The following ESCO2 variants were observed in gnomAD, a reference collection of about 807,000 sequenced individuals.
ESCO2 encodes the protein N-acetyltransferase ESCO2.
A neutral mutation model predicts 61.7 loss-of-function variants in ESCO2; 51 were observed. The observed-to-expected ratio is 0.83, with a 90% CI of 0.66 to 1.04. The LOEUF (loss-of-function observed/expected upper bound fraction) is 1.04, where lower values mean the gene tolerates loss of function less well. ESCO2 is among the 50% of genes least tolerant of loss of function. The pLI is 0.00. For missense variants in ESCO2, 692 were observed against 686.2 expected (o/e 1.01, Z -0.09); for synonymous variants, 230 against 238.2 (o/e 0.97, Z 0.32).
At position 27,776,425 on chromosome 8, in the gene ESCO2, C is replaced by T. The variant is rs1156912240; in HGVS notation, c.117C>T (p.Asn39=). The stretch of plus-strand genomic sequence containing the variant: ...ATAAAAAGCACTGTTTTTATCAAAA[C>T]AGTGATAAAAATGAAGAAAACCTGC... ...SPNKKHCFYQ[N]SDKNEENLHC... Residue 39 remains asparagine, a synonymous_variant, in exon 3 of 11, where the codon AAC becomes AAT. Coordinates refer to ENST00000305188, the MANE Select transcript of ESCO2 (RefSeq NM_001017420.3). The T allele has an allele frequency of 6.2e-7, 1 of 1,607,336 alleles. No homozygotes were observed. The highest frequency in any genetic ancestry group is 8.5e-7 in the Non-Finnish European group (1 of 1,178,058).
chr8:27,813,961 G>A (rs1805759108), downstream of ESCO2, among the ~76,000 whole-genome samples: 1 of 152,074 alleles, frequency 6.6e-6, no homozygotes, highest in Admixed American at 6.5e-5. Context: ...ACATGTTTAT[G>A]TGTTAATGTG....
chr8:27,809,209 T>C (rs905960107), downstream of ESCO2, among the ~76,000 whole-genome samples: 42 of 152,290 alleles, frequency 2.8e-4, no homozygotes, highest in African/African-American at 9.6e-4. Flanking sequence ...AAATTATACA[T>C]ACGTTTTTCT....
downstream of ESCO2, among the ~76,000 whole-genome samples, chr8:27,815,895 A>C (rs570223005): frequency 6.6e-6 from 1 of 152,242 alleles, no homozygotes; most frequent in Admixed American, 6.5e-5. Context: ...TTGTTCTGAC[A>C]ACAAAAGTTT....
chr8:27,803,580 A>ACACACAC lies in ESCO2; in HGVS notation c.*142_*143insCACACAC. 2.1e-6 allele frequency: 3 copies of ACACACAC among 1,439,082 alleles called. No individual in the cohort carries two copies. Among genetic ancestry groups the ACACACAC allele is most frequent in the South Asian group, 3.1e-5 (2 of 65,526 alleles). 89.1% of individuals were successfully genotyped at this position (1,439,082 alleles called of 1,614,324 possible). On this transcript the variant is annotated 3_prime_UTR_variant, in exon 11 of 11. Transcript: ENST00000305188. Reference sequence around the variant, plus strand: ...CACACACACACACGCACACACACATATCACAGTTTTGTTCCTTATGAGTTG... The same window carrying ACACACAC: ...CACACACACACACGCACACACACATACACACACTCACAGTTTTGTTCCTTATGAGTTG...
rs1805207295 is a variant in ESCO2, at chr8:27,792,788, T to C, written c.1474T>C (p.Leu492=). The change falls in exon 9 of 11, where the codon TTA becomes CTA. Residue 492 remains leucine (L), a synonymous_variant. Transcript: ENST00000305188. ...TGATGAAAAGAGAGTAGTTGGGTGT[T>C]TAATTGCAGAACCCATCAAACAGGT... ...ISDEKRVVGC[L]IAEPIKQAFR... is the part of the protein sequence containing the mutation. The C allele has an allele frequency of 6.2e-7, 1 of 1,606,372 alleles. No homozygotes were observed. Among genetic ancestry groups the C allele is most frequent in the East Asian group, 2.2e-5 (1 of 44,680 alleles).
chr8:27,780,368 G>GT (rs745605422), intron 4 of ESCO2, 101 bp downstream of exon 4: 4 of 792,418 alleles, frequency 5.0e-6, no homozygotes, highest in Non-Finnish European at 8.6e-6. Context: ...TCTTTTTTCA[G>GT]TAGCGTGCCT....
chr8:27,808,402 C>T (rs1017550233), downstream of ESCO2: 2 of 217,156 alleles, frequency 9.2e-6, no homozygotes, highest in Admixed American at 1.2e-4. Flanking sequence ...AAAGGTAGTC[C>T]TGGGCACGGT....
chr8:27,789,040 T>C, intron 7 of ESCO2, 62 bp downstream of exon 7: 1 of 1,603,930 alleles, frequency 6.2e-7, no homozygotes, highest in Non-Finnish European at 8.5e-7. Context: ...ACATTTCTTT[T>C]CCACCACCTC....
rs114321936 is a variant in ESCO2, at chr8:27,787,356, A to G, written c.1014-529A>G. ...TTTTTTTTTTCCTTAAGAATTTCACAGTAGTGAGATGCTGCTTTTGGTATG... is the reference window on the plus strand; with the variant it reads ...TTTTTTTTTTCCTTAAGAATTTCACGGTAGTGAGATGCTGCTTTTGGTATG... On this transcript the variant is annotated intron_variant, in intron 5 of 10. Transcript: ENST00000305188. 9.9e-3 allele frequency among the ~76,000 whole-genome samples: 1,503 copies of G among 151,550 alleles called. 25 individuals are homozygous for G. Among genetic ancestry groups the G allele is most frequent in the African/African-American group, 0.034 (1,409 of 41,278 alleles).
upstream of ESCO2, chr8:27,772,025 T>TAAA: frequency 6.4e-6 from 1 of 156,446 alleles, no homozygotes; most frequent in South Asian, 1.8e-4. Context: ...GTCTTTTTAT[T>TAAA]GTTTTCTGTT....
intron 1 of ESCO2, 65 bp from the exon 2 acceptor site, chr8:27,775,434 G>C: frequency 1.5e-6 from 2 of 1,329,550 alleles, no homozygotes; most frequent in South Asian, 2.3e-5. Flanking sequence ...TAATTAAAGG[G>C]GGTATAATTT....
the ESCO2 span, among the ~76,000 whole-genome samples, chr8:27,818,846 C>T: frequency 6.6e-6 from 1 of 152,048 alleles, no homozygotes; most frequent in East Asian, 1.9e-4. Flanking sequence ...TATTTATCTA[C>T]AATTTTTTCT....
chr8:27,791,924 C>T, intron 7 of ESCO2, 39 bp from the exon 8 acceptor site: 1 of 1,572,086 alleles, frequency 6.4e-7, no homozygotes, highest in Admixed American at 1.7e-5. Context: ...TTTTCCTCTT[C>T]ACAAATTAAA....
downstream of ESCO2, chr8:27,809,538 A>G (rs1454256237): frequency 6.6e-6 from 1 of 152,194 alleles, no homozygotes; most frequent in East Asian, 1.9e-4. Flanking sequence ...AAATAAGGCC[A>G]AGAGAGGGAA....
rs1326391614 is a variant in ESCO2, at chr8:27,783,922, A to C, written c.956-78A>C. 5 of 1,302,868 alleles carry C rather than the reference A, an allele frequency of 3.8e-6. No homozygotes were observed. The Admixed American group carries it at 8.4e-5, about 22-fold the overall frequency. 80.7% of individuals were successfully genotyped at this position (1,302,868 alleles called of 1,614,324 possible). On this transcript the variant is annotated intron_variant, in intron 4 of 10. Transcript: ENST00000305188. ...TTGATCTTGAGTATTATTTTGTCTT[A>C]TTAACCTTTGAAATCTTATGAATTA...
downstream of ESCO2, chr8:27,811,370 AT>A: frequency 1.7e-6 from 1 of 585,914 alleles, no homozygotes; most frequent in Non-Finnish European, 3.0e-6. Context: ...TCTCTTACAA[AT>A]TAGTAGGAAT....
rs886062869 is a variant in ESCO2, at chr8:27,803,699, T to A, written c.*261T>A. Reference sequence around the variant, plus strand: ...GATTAGCACTCTGAATGTTTAATTATGAAACTTTGTAGCTATAACTGGAAA... The same window carrying A: ...GATTAGCACTCTGAATGTTTAATTAAGAAACTTTGTAGCTATAACTGGAAA... On this transcript the variant is annotated 3_prime_UTR_variant, in exon 11 of 11. Transcript: ENST00000305188. 6 of 1,235,244 alleles carry A rather than the reference T, an allele frequency of 4.9e-6. No homozygotes were observed. In the Admixed American group the frequency reaches 2.4e-4, roughly 49 times the overall value. 76.5% of individuals were successfully genotyped at this position (1,235,244 alleles called of 1,614,324 possible).
Position 27,804,485 on chromosome 8 carries a change from G to C in ESCO2, c.*1047G>C. ...CAAGGTTAGTAAATATACATAGGCT[G>C]GTGGATGAGAGACCATGGAACTGTG... On this transcript the variant is annotated 3_prime_UTR_variant, in exon 11 of 11. Coordinates refer to ENST00000305188, the MANE Select transcript of ESCO2 (RefSeq NM_001017420.3). 1.0e-6 allele frequency: 1 copy of C among 985,368 alleles called. No homozygotes were observed. The highest frequency in any genetic ancestry group is 1.2e-6 in the Non-Finnish European group (1 of 829,878). The allele number at this position is 985,368 out of a possible 1,614,324, so 61.0% of individuals were successfully genotyped here.
At chr8:27,777,401 A>G in intron 3 of ESCO2, 1 of 313,970 alleles carries the variant, frequency 3.2e-6, no homozygotes, top group Non-Finnish European at 5.8e-6. Context: ...TCCTAGGCTC[A>G]AGCAATCCCA....
Sources: allele counts gnomAD v4.1 joint callset (sites outside exome capture counted in the v4.1 genomes callset), GRCh38; gene constraint gnomAD v4.1.1; transcripts MANE v1.5; gene names NCBI Gene and HGNC (gene_info 2026-07-23, HGNC 2026-07-21).